DYNC2H1: variants seen among roughly 807,000 people sequenced by gnomAD.
The protein encoded by DYNC2H1 is dynein cytoplasmic 2 heavy chain 1.
In DYNC2H1, 410 loss-of-function variants were observed where a neutral mutation model predicts 570.0. The observed-to-expected ratio is 0.72, with a 90% CI of 0.66 to 0.78. DYNC2H1 has a LOEUF of 0.78. Among genes scored for constraint, DYNC2H1 ranks in the 30% least tolerant of loss-of-function variants. The pLI is 0.00. For synonymous variants in DYNC2H1, 1,688 were observed against 1,677.6 expected, an observed-to-expected ratio of 1.01 and a Z score of -0.15; for missense variants, 4,865 against 5,046.4, an observed-to-expected ratio of 0.96 and a Z score of 1.09.
At chr11:103,463,655 G>T (rs962259462) in intron 87 of DYNC2H1, among the ~76,000 whole-genome samples, 5 of 152,162 alleles carry the variant, frequency 3.3e-5, no homozygotes, top group Admixed American at 3.3e-4. Context: ...AGAGGCTGAG[G>T]TGGGAGAATC....
At chr11:103,413,166 T>G (rs1041627383) in intron 84 of DYNC2H1, among the ~76,000 whole-genome samples, 28 of 152,286 alleles carry the variant, frequency 1.8e-4, no homozygotes, top group African/African-American at 6.7e-4. Flanking sequence ...TCCATCTATC[T>G]CCACTACACT....
At chr11:103,397,377 G>A (rs1282733077) in intron 83 of DYNC2H1, among the ~76,000 whole-genome samples, 1 of 151,888 alleles carries the variant, frequency 6.6e-6, no homozygotes, top group African/African-American at 2.4e-5. Flanking sequence ...TCATCAAAAA[G>A]CATACTGCAT....
rs1272185661 is a variant in DYNC2H1, at chr11:103,129,346, A to AT, written c.1953+348dup. Among the ~76,000 whole-genome samples the AT allele has an allele frequency of 6.6e-6, 1 of 151,784 alleles. No homozygotes were observed. Among genetic ancestry groups the AT allele is most frequent in the Non-Finnish European group, 1.5e-5 (1 of 67,834 alleles). Reference sequence around the variant, plus strand: ...CCACCTCCCAATTTTGTAATGTAATATTTTTTTCCTTTTTATTTGTGGTTA... The same window carrying AT: ...CCACCTCCCAATTTTGTAATGTAATATTTTTTTTCCTTTTTATTTGTGGTTA... On this transcript the variant is annotated intron_variant, in intron 13 of 88. Coordinates refer to ENST00000375735, the MANE Select transcript of DYNC2H1 (RefSeq NM_001377.3). This position sits in a 1 kb window ranked among gnomAD's most constrained non-coding sequence, Gnocchi z 4.1.
At chr11:103,329,431 A>T (rs551687678) in intron 82 of DYNC2H1, among the ~76,000 whole-genome samples, 1 of 152,240 alleles carries the variant, frequency 6.6e-6, no homozygotes, top group South Asian at 2.1e-4. Context: ...TAGAAATCTA[A>T]TTGCAGTAGT....
At chr11:103,236,984 T>A (rs548652942) in intron 63 of DYNC2H1, among the ~76,000 whole-genome samples, 59 of 152,124 alleles carry the variant, frequency 3.9e-4, no homozygotes, top group African/African-American at 1.1e-3. Flanking sequence ...ATTTGGAAAT[T>A]TGTTTTGTCA....
At chr11:103,219,438 C>G (rs1863504262) in intron 55 of DYNC2H1, among the ~76,000 whole-genome samples, 1 of 152,084 alleles carries the variant, frequency 6.6e-6, no homozygotes, top group Non-Finnish European at 1.5e-5. Flanking sequence ...ATGGCGAAAC[C>G]CCGTCTCTAC....
chr11:103,358,817 T>G (rs1940491120), intron 83 of DYNC2H1, among the ~76,000 whole-genome samples: 1 of 152,176 alleles, frequency 6.6e-6, no homozygotes, highest in Non-Finnish European at 1.5e-5. Context: ...ATATATATTA[T>G]TATGTAATAT....
At position 103,316,553 on chromosome 11, in the gene DYNC2H1, A is replaced by G. The variant is rs1288307127; in HGVS notation, c.11658A>G (p.Thr3886=). 6.4e-7 allele frequency: 1 copy of G among 1,553,136 alleles called. No individual in the cohort carries two copies. Among genetic ancestry groups the G allele is most frequent in the Non-Finnish European group, 8.7e-7 (1 of 1,149,826 alleles). ...ERRNYIPQGW[T]KFYEFSLSDL... is the part of the protein sequence containing the mutation. ...AAATTGTTTTTTGACAGGGTTGGAC[A>G]AAGTTTTATGAATTTTCTTTATCAG... Residue 3886 remains threonine, a synonymous_variant, in exon 80 of 89, where the codon ACA becomes ACG. Transcript: ENST00000375735.
chr11:103,173,011 C>G, intron 34 of DYNC2H1, 71 bp from the exon 35 acceptor site: 1 of 785,988 alleles, frequency 1.3e-6, no homozygotes, highest in Non-Finnish European at 1.7e-6. Context: ...CAAATATAAA[C>G]GATGCCTATA....
chr11:103,407,484 A>C (rs1213342965), intron 84 of DYNC2H1: 1 of 151,966 alleles, frequency 6.6e-6, no homozygotes, highest in Non-Finnish European at 1.5e-5. Flanking sequence ...AGGCATTGAG[A>C]CATATGCAGA....
At chr11:103,158,136 A>G (rs1161693077) in intron 26 of DYNC2H1, among the ~76,000 whole-genome samples, 1 of 152,198 alleles carries the variant, frequency 6.6e-6, no homozygotes, top group Non-Finnish European at 1.5e-5. Context: ...CATTAGCTCT[A>G]TGAGGTAGGG....
chr11:103,258,664 A>C (rs1309278973), intron 69 of DYNC2H1, among the ~76,000 whole-genome samples: 1 of 152,164 alleles, frequency 6.6e-6, no homozygotes, highest in Non-Finnish European at 1.5e-5. Flanking sequence ...TGGACTTCTT[A>C]TTTTTTAGCT....
chr11:103,467,164 A>C (rs1002389752), intron 87 of DYNC2H1, among the ~76,000 whole-genome samples: 4 of 152,196 alleles, frequency 2.6e-5, no homozygotes, highest in Admixed American at 1.3e-4. Flanking sequence ...TTATAGATAC[A>C]GATAAAACTA....
At chr11:103,328,497 A>G (rs542282335) in intron 82 of DYNC2H1, among the ~76,000 whole-genome samples, 1 of 152,348 alleles carries the variant, frequency 6.6e-6, no homozygotes, top group Admixed American at 6.5e-5. Context: ...CTTAACAAAA[A>G]GTAGATTAGA....
chr11:103,226,313 T>G (rs1394416593), intron 59 of DYNC2H1, among the ~76,000 whole-genome samples: 2 of 152,184 alleles, frequency 1.3e-5, no homozygotes, highest in Non-Finnish European at 2.9e-5. Context: ...GGGAATGCAT[T>G]CCACTTTTCC....
chr11:103,180,799 T>G (rs1861819471), intron 39 of DYNC2H1, among the ~76,000 whole-genome samples: 1 of 151,364 alleles, frequency 6.6e-6, no homozygotes, highest in Non-Finnish European at 1.5e-5. Context: ...CTGAAGGAGC[T>G]TAGCATCTTT....
intron 76 of DYNC2H1, among the ~76,000 whole-genome samples, chr11:103,303,616 A>C (rs1867144739): frequency 6.6e-6 from 1 of 152,076 alleles, no homozygotes; most frequent in South Asian, 2.1e-4. Context: ...AAGATGGAGG[A>C]ACGGGCCATA....
rs1423102296 is a variant in DYNC2H1, at chr11:103,185,639, C to T, written c.6633+588C>T. ...GCTGCTTCTTTGATAGTGTCATTTA[C>T]TGCTTTCTCTATTCCGTCTCCCTTT... On this transcript the variant is annotated intron_variant, in intron 41 of 88. Transcript: ENST00000375735. The surrounding 1 kb of genome is among the most constrained non-coding windows in gnomAD (Gnocchi z 4.5). Among the ~76,000 whole-genome samples, 1 of 151,628 alleles carries T rather than the reference C, an allele frequency of 6.6e-6. No individual in the cohort carries two copies. Among genetic ancestry groups the T allele is most frequent in the Non-Finnish European group, 1.5e-5 (1 of 67,826 alleles).
At position 103,363,099 on chromosome 11, in the gene DYNC2H1, G is replaced by C. The variant is rs755637493; in HGVS notation, c.12156+4740G>C. 2.0e-5 allele frequency among the ~76,000 whole-genome samples: 3 copies of C among 151,910 alleles called. No homozygotes were observed. Among genetic ancestry groups the C allele is most frequent in the Non-Finnish European group, 4.4e-5 (3 of 67,988 alleles). On this transcript the variant is annotated intron_variant, in intron 83 of 88. Transcript: ENST00000375735. This position sits in a 1 kb window ranked among gnomAD's most constrained non-coding sequence, Gnocchi z 5.6. ...ATTTCATTTAAGTATACTGACAGCTGGTCTAGGTTTAGCTTGATTTTTATC... is the reference window on the plus strand; with the variant it reads ...ATTTCATTTAAGTATACTGACAGCTCGTCTAGGTTTAGCTTGATTTTTATC...
Sources: gnomAD v4.1 joint callset for allele counts (sites outside exome capture counted in the v4.1 genomes callset) on GRCh38, gnomAD v4.1.1 for gene constraint, Gnocchi (gnomAD v3.1) non-coding constraint, MANE v1.5 for transcripts, NCBI Gene and HGNC (gene_info 2026-07-23, HGNC 2026-07-21) for gene names.